Variants in LMBRD2 observed in about 807,000 individuals in gnomAD.
LMBRD2 encodes G protein-coupled receptor-associated protein LMBRD2.
Under a neutral mutation model 94.4 loss-of-function variants are expected in LMBRD2, and 55 were observed. That is an observed-to-expected ratio of 0.58 (90% CI 0.47 to 0.73). LMBRD2 has a LOEUF of 0.73. Among genes scored for constraint, LMBRD2 ranks in the 30% least tolerant of loss-of-function variants. The pLI is 0.00. For synonymous variants in LMBRD2, 246 were observed against 272.4 expected (o/e 0.90, Z 0.95); for missense variants, 640 against 831.9 (o/e 0.77, Z 2.84).
At chr5:36,137,184 G>A in intron 5 of LMBRD2, 90 bp downstream of exon 5, 1 of 793,128 alleles carries the variant, frequency 1.3e-6, no homozygotes, top group Non-Finnish European at 1.9e-6. Context: ...TCAATGAAAT[G>A]TCTTTTTACC....
At chr5:36,114,382 C>A in intron 13 of LMBRD2, 42 bp downstream of exon 13, 2 of 1,529,374 alleles carry the variant, frequency 1.3e-6, no homozygotes, top group South Asian at 2.6e-5. Flanking sequence ...AAAGGATATC[C>A]AGATTTAAGA....
intron 3 of LMBRD2, 128 bp from the exon 4 acceptor site, chr5:36,141,330 C>T (rs557356107): frequency 6.2e-5 from 30 of 484,424 alleles, no homozygotes; most frequent in African/African-American, 5.0e-4. Context: ...AATCAATAAC[C>T]CATAAAATTT....
chr5:36,145,393 T>C (rs978464826), intron 1 of LMBRD2, among the ~76,000 whole-genome samples: 2 of 152,246 alleles, frequency 1.3e-5, no homozygotes, highest in African/African-American at 4.8e-5. Flanking sequence ...CAAAGTCAAA[T>C]CTTATGTTTT....
chr5:36,123,854 A>G (rs1198445259), intron 7 of LMBRD2, among the ~76,000 whole-genome samples: 1 of 151,830 alleles, frequency 6.6e-6, no homozygotes, highest in Non-Finnish European at 1.5e-5. Flanking sequence ...ATTGTAAGAT[A>G]TTACTGAGGC....
At chr5:36,104,969 A>G (rs1743428905) in intron 17 of LMBRD2, 99 bp downstream of exon 17, 1 of 1,138,392 alleles carries the variant, frequency 8.8e-7, no homozygotes, top group Non-Finnish European at 1.2e-6. Flanking sequence ...TCACTTGTTT[A>G]CTTTCACCTT....
chr5:36,136,281 A>T (rs1232407843), intron 6 of LMBRD2, 28 bp downstream of exon 6: 2 of 1,601,230 alleles, frequency 1.2e-6, no homozygotes, highest in Admixed American at 3.3e-5. Flanking sequence ...CTTAGTGACT[A>T]TTGCTTATAA....
intron 6 of LMBRD2, among the ~76,000 whole-genome samples, chr5:36,126,744 A>C (rs1485381870): frequency 1.3e-5 from 2 of 152,228 alleles, no homozygotes; most frequent in Admixed American, 6.5e-5. Flanking sequence ...CATATCATAA[A>C]AATACCAAAC....
chr5:36,100,916 A>C lies in LMBRD2; in HGVS notation c.*3130T>G, dbSNP rs946015192. 6.6e-6 allele frequency: 1 copy of C among 152,104 alleles called. No individual in the cohort carries two copies. The highest frequency in any genetic ancestry group is 1.5e-5 in the Non-Finnish European group (1 of 67,966). 9.4% of individuals were successfully genotyped at this position (152,104 alleles called of 1,614,324 possible). A position where few individuals can be genotyped will look rare whatever the true frequency, so the allele number is the denominator to read the frequency against. On this transcript the variant is annotated 3_prime_UTR_variant, in exon 18 of 18. Transcript: ENST00000296603. ...AAAATATACTTTTAAAAAACCACAC[A>C]CATTGACTTTCCTATGCTAATTTAA...
intron 6 of LMBRD2, among the ~76,000 whole-genome samples, 171 bp from the exon 7 acceptor site, chr5:36,124,436 T>C (rs1743963718): frequency 6.6e-6 from 1 of 152,204 alleles, no homozygotes; most frequent in Non-Finnish European, 1.5e-5. Context: ...ACAAAGTCAC[T>C]GAATAGCTAT....
chr5:36,101,019 TG>T lies in LMBRD2; in HGVS notation c.*3026del, dbSNP rs1333791249. ...AGTCCAAAAAAATCAACTGGCAGAA[TG>T]TTTTTTTGAATGTCTGGATTGTCAA... is the stretch of plus-strand genomic sequence containing the variant. On this transcript the variant is annotated 3_prime_UTR_variant, in exon 18 of 18. Transcript: ENST00000296603. The T allele has an allele frequency of 1.3e-5, 2 of 152,018 alleles. No individual in the cohort carries two copies. The highest frequency in any genetic ancestry group is 4.8e-5 in the African/African-American group (2 of 41,442). 9.4% of individuals were successfully genotyped at this position (152,018 alleles called of 1,614,324 possible). A position where few individuals can be genotyped will look rare whatever the true frequency, so the allele number is the denominator to read the frequency against.
At chr5:36,138,993 A>T (rs1210838215) in intron 4 of LMBRD2, among the ~76,000 whole-genome samples, 2 of 151,992 alleles carry the variant, frequency 1.3e-5, no homozygotes, top group Non-Finnish European at 2.9e-5. Context: ...CACTCCATGG[A>T]GCTAGCAGGA....
intron 6 of LMBRD2, among the ~76,000 whole-genome samples, chr5:36,125,600 T>C (rs563933460): frequency 1.1e-4 from 16 of 152,140 alleles, no homozygotes; most frequent in Non-Finnish European, 2.2e-4. Context: ...GAGGTAAGAC[T>C]GGGAAAACAG....
chr5:36,149,479 C>G (rs1168711690), intron 1 of LMBRD2, among the ~76,000 whole-genome samples: 1 of 152,228 alleles, frequency 6.6e-6, no homozygotes, highest in African/African-American at 2.4e-5. Context: ...CAGGCCCCTT[C>G]TATAGTCCAC....
chr5:36,102,036 T>G lies in LMBRD2; in HGVS notation c.*2010A>C, dbSNP rs2111831162. ...TTATACTTAAGAAATTATTCCAAAGTAAACCCAAAGACTAAATAAAACAAC... is the reference window on the plus strand; with the variant it reads ...TTATACTTAAGAAATTATTCCAAAGGAAACCCAAAGACTAAATAAAACAAC... On this transcript the variant is annotated 3_prime_UTR_variant, in exon 18 of 18. Transcript: ENST00000296603. 1 of 152,002 alleles carries G rather than the reference T, an allele frequency of 6.6e-6. No homozygotes were observed. Among genetic ancestry groups the G allele is most frequent in the Non-Finnish European group, 1.5e-5 (1 of 67,816 alleles). 9.4% of individuals were successfully genotyped at this position (152,002 alleles called of 1,614,324 possible).
At position 36,142,519 on chromosome 5, in the gene LMBRD2, A is replaced by G; in HGVS notation, c.255T>C (p.Thr85=). ...ENSNITGLYA[T]ANPVPSQHPC... is the part of the protein sequence containing the mutation. Reference sequence around the variant, plus strand: ...GGAAATACCTTGGAACAGGGTTAGCAGTTGCGTACAATCCTGTAATGTTGC... The same window carrying G: ...GGAAATACCTTGGAACAGGGTTAGCGGTTGCGTACAATCCTGTAATGTTGC... Residue 85 remains threonine (T), a synonymous_variant, in exon 3 of 18, where the codon ACT becomes ACC. Coordinates refer to ENST00000296603, the MANE Select transcript of LMBRD2 (RefSeq NM_001007527.2). The G allele has an allele frequency of 6.3e-7, 1 of 1,594,792 alleles. No individual in the cohort carries two copies. The highest frequency in any genetic ancestry group is 8.6e-7 in the Non-Finnish European group (1 of 1,162,518).
intron 6 of LMBRD2, among the ~76,000 whole-genome samples, chr5:36,128,294 A>C (rs1744053943): frequency 6.6e-6 from 1 of 152,246 alleles, no homozygotes. Context: ...AAGCCTTTGC[A>C]AGAAGGATGG....
rs1579539088 is a variant in LMBRD2 at position 36,151,814 on chromosome 5, C to T, written c.-316G>A. On this transcript the variant is annotated 5_prime_UTR_variant, in exon 1 of 18. Coordinates refer to ENST00000296603, the MANE Select transcript of LMBRD2 (RefSeq NM_001007527.2). The surrounding 1 kb of genome is among the most constrained non-coding windows in gnomAD (Gnocchi z 4.7). ...CCACGCTCAGAGACGACAGCGCTGG[C>T]GATCACCAGAAGGCCTGCGGGCTCC... The T allele has an allele frequency of 5.0e-6, 1 of 198,698 alleles. No homozygotes were observed. Among genetic ancestry groups the T allele is most frequent in the Non-Finnish European group, 1.1e-5 (1 of 94,274 alleles). The allele number at this position is 198,698 out of a possible 1,614,324, so 12.3% of individuals were successfully genotyped here.
At chr5:36,112,139 GT>G (rs1306789117) in intron 13 of LMBRD2, among the ~76,000 whole-genome samples, 1 of 152,068 alleles carries the variant, frequency 6.6e-6, no homozygotes, top group Non-Finnish European at 1.5e-5. Context: ...GTAAAAATGT[GT>G]AAATATCTAG....
At chr5:36,128,396 C>T (rs1239323130) in intron 6 of LMBRD2, among the ~76,000 whole-genome samples, 1 of 152,148 alleles carries the variant, frequency 6.6e-6, no homozygotes, top group African/African-American at 2.4e-5. Context: ...TCAAGCCCAT[C>T]CAGAAAAACA....
Sources: gnomAD v4.1 joint callset for allele counts (sites outside exome capture counted in the v4.1 genomes callset) on GRCh38, gnomAD v4.1.1 for gene constraint, Gnocchi (gnomAD v3.1) non-coding constraint, MANE v1.5 for transcripts, NCBI Gene and HGNC (gene_info 2026-07-23, HGNC 2026-07-21) for gene names.